Variants in SLC13A3 observed in about 807,000 individuals in gnomAD.
SLC13A3 encodes solute carrier family 13 member 3.
Under a neutral mutation model 59.0 loss-of-function variants are expected in SLC13A3, and 40 were observed. That is an observed-to-expected ratio of 0.68 (90% CI 0.53 to 0.88). The LOEUF (loss-of-function observed/expected upper bound fraction) is 0.88. Ranked by LOEUF, SLC13A3 falls within the 40% of genes least tolerant of loss-of-function variation. The pLI is 0.00. For missense variants in SLC13A3, 699 were observed against 783.2 expected (o/e 0.89, Z 1.28); for synonymous variants, 317 against 330.3 (o/e 0.96, Z 0.44).
chr20:46,617,990 G>A (rs2062578313), intron 1 of SLC13A3, among the ~76,000 whole-genome samples: 1 of 152,176 alleles, frequency 6.6e-6, no homozygotes, highest in Non-Finnish European at 1.5e-5. Context: ...GGAGATTATA[G>A]TCTCAAATTC....
chr20:46,633,641 C>G (rs2062766251), intron 1 of SLC13A3, among the ~76,000 whole-genome samples: 3 of 152,220 alleles, frequency 2.0e-5, no homozygotes, highest in African/African-American at 7.2e-5. Flanking sequence ...CATGTTGAGC[C>G]CTTACTACAC....
intron 1 of SLC13A3, among the ~76,000 whole-genome samples, chr20:46,681,097 A>G (rs2063151638): frequency 6.6e-6 from 1 of 152,238 alleles, no homozygotes; most frequent in African/African-American, 2.4e-5. Flanking sequence ...GGGCCAGGAC[A>G]AGGGCCTCCC....
In SLC13A3 at chr20:46,600,324, A is replaced by AAGGAAGGAAAGGAAGGAAGGAAGGAAAGG. The variant is rs61169434; in HGVS notation, c.542-288_542-287insCCTTTCCTTCCTTCCTTCCTTTCCTTCCT. 4.8e-5 allele frequency among the ~76,000 whole-genome samples: 4 copies of AAGGAAGGAAAGGAAGGAAGGAAGGAAAGG among 83,804 alleles called. No individual in the cohort carries two copies. In the East Asian group the frequency reaches 1.2e-3, roughly 25 times the overall value. The allele number at this position is 83,804 out of a possible 152,430, so 55.0% of individuals were successfully genotyped here. A position where few individuals can be genotyped will look rare whatever the true frequency, so the allele number is the denominator to read the frequency against. Reference sequence around the variant, plus strand: ...GAAAGAAAGAAAGAGGGAAGGAAGGAAAGGAAGGAAGGAAGGAAAGGAAAA... The same window carrying AAGGAAGGAAAGGAAGGAAGGAAGGAAAGG: ...GAAAGAAAGAAAGAGGGAAGGAAGGAAGGAAGGAAAGGAAGGAAGGAAGGAAAGGAAGGAAGGAAGGAAGGAAAGGAAAA... On this transcript the variant is annotated intron_variant, in intron 3 of 12. Transcript: ENST00000279027.
intron 9 of SLC13A3, among the ~76,000 whole-genome samples, chr20:46,576,078 G>T (rs2146098797): frequency 6.6e-6 from 1 of 152,266 alleles, no homozygotes; most frequent in East Asian, 1.9e-4. Flanking sequence ...TAGAAACAAA[G>T]GGTATTTTTG....
chr20:46,598,907 G>T (rs1220134874), intron 4 of SLC13A3, among the ~76,000 whole-genome samples: 1 of 151,712 alleles, frequency 6.6e-6, no homozygotes, highest in Non-Finnish European at 1.5e-5. Context: ...CAGGAGCTTT[G>T]CACGTGCTGG....
intron 1 of SLC13A3, among the ~76,000 whole-genome samples, chr20:46,664,968 T>G (rs2063053799): frequency 6.6e-6 from 1 of 151,916 alleles, no homozygotes; most frequent in African/African-American, 2.4e-5. Context: ...AAAGCCCAAG[T>G]AGGGATTTTC....
upstream of SLC13A3, among the ~76,000 whole-genome samples, chr20:46,670,568 C>T (rs1568965522): frequency 1.3e-5 from 2 of 152,108 alleles, no homozygotes; most frequent in South Asian, 4.1e-4. Context: ...AATGTCACAC[C>T]ATAAAGAAGC....
chr20:46,588,420 C>T (rs180745619), intron 7 of SLC13A3, among the ~76,000 whole-genome samples: 28 of 152,192 alleles, frequency 1.8e-4, no homozygotes, highest in East Asian at 5.8e-4. Context: ...CCCGAAATCG[C>T]GTGTTTCATT....
At chr20:46,603,165 A>G (rs2062397227) in intron 3 of SLC13A3, among the ~76,000 whole-genome samples, 1 of 151,978 alleles carries the variant, frequency 6.6e-6, no homozygotes, top group Non-Finnish European at 1.5e-5. Context: ...CCTGGGCAAC[A>G]AGAGCAAAAT....
rs933065973 is a variant in SLC13A3 at position 46,603,545 on chromosome 20, T to C, written c.542-3508A>G. Among the ~76,000 whole-genome samples the C allele has an allele frequency of 1.0e-4, 15 of 148,814 alleles. No homozygotes were observed. In the East Asian group the frequency reaches 1.2e-3, roughly 12 times the overall value. On this transcript the variant is annotated intron_variant, in intron 3 of 12. Coordinates refer to ENST00000279027, the MANE Select transcript of SLC13A3 (RefSeq NM_022829.6). ...ATGTGCCACCATGCCCAGCTAATTG[T>C]TGTATTTTTTTTTTTTTTTTTGGTA...
intron 9 of SLC13A3, among the ~76,000 whole-genome samples, chr20:46,578,501 C>T (rs543442573): frequency 1.1e-3 from 171 of 151,732 alleles, no homozygotes; most frequent in Non-Finnish European, 2.1e-3. Flanking sequence ...CATGGTGAAA[C>T]CCCATCTCTA....
intron 1 of SLC13A3, among the ~76,000 whole-genome samples, chr20:46,646,651 T>C (rs1435799819): frequency 6.6e-6 from 1 of 152,180 alleles, no homozygotes. Context: ...CTAAAGCCCA[T>C]GTTCTCTCCA....
chr20:46,658,475 T>A (rs2063008428), intron 1 of SLC13A3, among the ~76,000 whole-genome samples: 1 of 152,170 alleles, frequency 6.6e-6, no homozygotes, highest in Admixed American at 6.5e-5. Flanking sequence ...TCATTTAAAA[T>A]AGGTGAATTT....
intron 1 of SLC13A3, among the ~76,000 whole-genome samples, chr20:46,668,188 G>A (rs561061052): frequency 6.6e-6 from 1 of 152,274 alleles, no homozygotes; most frequent in East Asian, 1.9e-4. Context: ...AAAATCAAAA[G>A]CTAGAAATGG....
At chr20:46,648,555 A>C (rs912435999) in intron 1 of SLC13A3, among the ~76,000 whole-genome samples, 2 of 152,098 alleles carry the variant, frequency 1.3e-5, no homozygotes, top group African/African-American at 4.8e-5. Flanking sequence ...CCACAAGGGA[A>C]CTGTAGGGAA....
At chr20:46,586,133 A>G (rs1315296599) in intron 8 of SLC13A3, among the ~76,000 whole-genome samples, 1 of 152,210 alleles carries the variant, frequency 6.6e-6, no homozygotes, top group Non-Finnish European at 1.5e-5. Context: ...CACTTTTTTA[A>G]TATAGCTACC....
intron 1 of SLC13A3, among the ~76,000 whole-genome samples, chr20:46,661,906 T>G (rs1307411651): frequency 1.3e-5 from 2 of 152,218 alleles, no homozygotes. Context: ...GGGGAATCCT[T>G]CTTATCCCTC....
intron 8 of SLC13A3, chr20:46,584,257 A>G (rs1421108307): frequency 1.0e-6 from 1 of 985,338 alleles, no homozygotes; most frequent in Admixed American, 6.1e-5. Context: ...GTCAAAGAGC[A>G]GAAACAACTT....
chr20:46,565,691 G>A (rs2146080228), intron 11 of SLC13A3, among the ~76,000 whole-genome samples: 1 of 152,286 alleles, frequency 6.6e-6, no homozygotes, highest in South Asian at 2.1e-4. Flanking sequence ...CCCCTGACGG[G>A]GATATTTGGG....
Sources: gnomAD v4.1 joint callset for allele counts (sites outside exome capture counted in the v4.1 genomes callset) on GRCh38, gnomAD v4.1.1 for gene constraint, MANE v1.5 for transcripts, NCBI Gene and HGNC (gene_info 2026-07-23, HGNC 2026-07-21) for gene names.